Variants in LINGO2 observed in about 807,000 individuals in gnomAD.
LINGO2 encodes the protein leucine-rich repeat and immunoglobulin-like domain-containing nogo receptor-interacting protein 2.
LINGO2 carries 14 observed loss-of-function variants against 30.6 expected under a neutral mutation model. The ratio of observed to expected loss-of-function variants is 0.46; its 90% CI spans 0.30 to 0.72. The LOEUF (loss-of-function observed/expected upper bound fraction) is 0.72, where lower values mean the gene tolerates loss of function less well. Ranked by LOEUF, LINGO2 falls within the 30% of genes least tolerant of loss-of-function variation. The pLI, the probability that LINGO2 is intolerant of heterozygous loss-of-function variation, is 0.07. For synonymous variants in LINGO2, 317 were observed against 288.5 expected (o/e 1.10, Z -1.00); for missense variants, 729 against 751.7 (o/e 0.97, Z 0.35).
intron 4 of LINGO2, among the ~76,000 whole-genome samples, chr9:28,179,243 TC>T (rs1828831887): frequency 9.9e-6 from 1 of 100,706 alleles, no homozygotes; most frequent in Admixed American, 9.9e-5. Flanking sequence ...CAACTCATTT[TC>T]TTTAATACTA....
intron 4 of LINGO2, among the ~76,000 whole-genome samples, chr9:28,222,902 A>G (rs1821016421): frequency 2.0e-5 from 3 of 152,284 alleles, no homozygotes; most frequent in South Asian, 2.1e-4. Context: ...GCGAGATGGT[A>G]CTCTCGGGGA....
the LINGO2 span, among the ~76,000 whole-genome samples, chr9:28,686,112 AT>A: frequency 6.6e-6 from 1 of 151,990 alleles, no homozygotes; most frequent in Non-Finnish European, 1.5e-5. Context: ...TGGGGCAGAA[AT>A]TGGGGAAATT....
chr9:28,380,763 T>C (rs923063637), intron 2 of LINGO2, among the ~76,000 whole-genome samples: 5 of 152,088 alleles, frequency 3.3e-5, no homozygotes, highest in Admixed American at 1.3e-4. Flanking sequence ...ATATGTAGGA[T>C]AGATTGCAGA....
rs76435831 is a variant in LINGO2, at chr9:28,310,852, A to G, written c.-245-15486T>C. 7.1e-4 allele frequency among the ~76,000 whole-genome samples: 108 copies of G among 152,314 alleles called. No individual in the cohort carries two copies. In the East Asian group the frequency reaches 0.015, roughly 21 times the overall value. On this transcript the variant is annotated intron_variant, in intron 3 of 5. Coordinates refer to ENST00000379992, the Ensembl canonical transcript of LINGO2. ...AATTTATTAAGAAACATTGTCCCCA[A>G]TCTGATCGAGAACAAAACTTTTTTG...
the LINGO2 span, among the ~76,000 whole-genome samples, chr9:28,940,479 C>A: frequency 6.7e-6 from 1 of 149,320 alleles, no homozygotes; most frequent in Non-Finnish European, 1.5e-5. Flanking sequence ...TTTTTTTTAA[C>A]TTTAAATGAC....
intron 4 of LINGO2, among the ~76,000 whole-genome samples, chr9:28,289,249 TA>T (rs1823632305): frequency 1.3e-5 from 2 of 152,306 alleles, no homozygotes; most frequent in South Asian, 4.1e-4. Context: ...AAAACTATAA[TA>T]TATAAATTTT....
At chr9:28,698,011 A>G in the LINGO2 span, among the ~76,000 whole-genome samples, 1 of 152,100 alleles carries the variant, frequency 6.6e-6, no homozygotes, top group Non-Finnish European at 1.5e-5. Flanking sequence ...AATATTGGTA[A>G]TTGGTGAAGT....
At chr9:28,478,640 T>C (rs908550449) in intron 1 of LINGO2, among the ~76,000 whole-genome samples, 2 of 152,146 alleles carry the variant, frequency 1.3e-5, no homozygotes, top group African/African-American at 2.4e-5. Context: ...AATACTATTA[T>C]AACAATAAGT....
chr9:28,942,361 G>A, the LINGO2 span, among the ~76,000 whole-genome samples: 1 of 152,170 alleles, frequency 6.6e-6, no homozygotes, highest in East Asian at 1.9e-4. Flanking sequence ...TCAGAAGTGA[G>A]GAGAGTAAGT....
chr9:29,183,798 A>T, the LINGO2 span, among the ~76,000 whole-genome samples: 1 of 151,694 alleles, frequency 6.6e-6, no homozygotes, highest in Non-Finnish European at 1.5e-5. Flanking sequence ...AAGATGTAGC[A>T]TCTCAACAGA....
chr9:29,002,695 C>G, the LINGO2 span, among the ~76,000 whole-genome samples: 1 of 151,980 alleles, frequency 6.6e-6, no homozygotes, highest in African/African-American at 2.4e-5. Flanking sequence ...ATATACCCTG[C>G]GACACCTTGT....
intron 4 of LINGO2, among the ~76,000 whole-genome samples, chr9:28,225,619 T>A (rs1265287061): frequency 6.6e-6 from 1 of 152,034 alleles, no homozygotes; most frequent in Admixed American, 6.5e-5. Flanking sequence ...ATAAATATAA[T>A]GAACAAAATA....
the LINGO2 span, among the ~76,000 whole-genome samples, chr9:28,923,041 A>G: frequency 6.6e-6 from 1 of 152,234 alleles, no homozygotes; most frequent in Non-Finnish European, 1.5e-5. Context: ...CGAGAGAGTC[A>G]GCAGCCAAGG....
the LINGO2 span, among the ~76,000 whole-genome samples, chr9:28,954,982 C>G: frequency 6.6e-6 from 1 of 152,150 alleles, no homozygotes; most frequent in African/African-American, 2.4e-5. Flanking sequence ...GAACCAATGT[C>G]AAAAACCCTG....
At chr9:28,865,903 G>T in the LINGO2 span, among the ~76,000 whole-genome samples, 1 of 152,216 alleles carries the variant, frequency 6.6e-6, no homozygotes, top group Admixed American at 6.5e-5. Context: ...AATAATAATA[G>T]TGAAATAATC....
intron 1 of LINGO2, among the ~76,000 whole-genome samples, chr9:28,655,281 C>G (rs1828287360): frequency 6.6e-6 from 1 of 151,868 alleles, no homozygotes; most frequent in Non-Finnish European, 1.5e-5. Flanking sequence ...CACCTGTAGC[C>G]CCTTAGTTTA....
At chr9:28,515,176 C>T (rs1302091680) in intron 1 of LINGO2, among the ~76,000 whole-genome samples, 1 of 151,092 alleles carries the variant, frequency 6.6e-6, no homozygotes, top group East Asian at 1.9e-4. Context: ...GTAGTTTTGA[C>T]TTTCAAGTCT....
At chr9:28,965,229 G>C in the LINGO2 span, among the ~76,000 whole-genome samples, 2 of 151,888 alleles carry the variant, frequency 1.3e-5, no homozygotes, top group African/African-American at 4.8e-5. Flanking sequence ...CAGATAAGTA[G>C]AAAGTGAATA....
At chr9:28,156,724 G>T (rs1828141570) in intron 4 of LINGO2, among the ~76,000 whole-genome samples, 1 of 152,180 alleles carries the variant, frequency 6.6e-6, no homozygotes, top group Admixed American at 6.5e-5. Flanking sequence ...TACAATGTGG[G>T]TAAAGGTATT....
Sources: allele counts gnomAD v4.1 joint callset (sites outside exome capture counted in the v4.1 genomes callset), GRCh38; gene constraint gnomAD v4.1.1; transcripts MANE v1.5; gene names NCBI Gene and HGNC (gene_info 2026-07-23, HGNC 2026-07-21).